EIF4G3: variants seen among roughly 807,000 people sequenced by gnomAD.
EIF4G3 encodes the protein eIF-4-gamma 3.
EIF4G3 carries 34 observed loss-of-function variants against 186.4 expected under a neutral mutation model. The ratio of observed to expected loss-of-function variants is 0.18; its 90% confidence interval spans 0.14 to 0.24. The LOEUF is 0.24. EIF4G3 is among the 10% of genes least tolerant of loss of function. The pLI, the probability that EIF4G3 is intolerant of heterozygous loss-of-function variation, is 1.00. For synonymous variants in EIF4G3, 673 were observed against 679.5 expected, an observed-to-expected ratio of 0.99 and a Z score of 0.15; for missense variants, 1,536 against 1,948.5, an observed-to-expected ratio of 0.79 and a Z score of 3.99.
chr1:21,086,680 C>A (rs1175037915), intron 3 of EIF4G3, among the ~76,000 whole-genome samples: 1 of 151,878 alleles, frequency 6.6e-6, no homozygotes, highest in East Asian at 1.9e-4. Context: ...TGTCTCACAC[C>A]TGTAATCCCA....
At chr1:20,882,698 T>C (rs1455135654) in intron 19 of EIF4G3, among the ~76,000 whole-genome samples, 1 of 151,642 alleles carries the variant, frequency 6.6e-6, no homozygotes, top group Non-Finnish European at 1.5e-5. Context: ...TCCCAGCTAC[T>C]TGGAAGGCTG....
At chr1:20,909,410 G>A (rs1200332971) in intron 14 of EIF4G3, among the ~76,000 whole-genome samples, 1 of 152,076 alleles carries the variant, frequency 6.6e-6, no homozygotes, top group Non-Finnish European at 1.5e-5. Context: ...GTACAAGAAT[G>A]ACAAACGTTA....
intron 2 of EIF4G3, among the ~76,000 whole-genome samples, chr1:21,171,386 A>G (rs564165204): frequency 1.2e-4 from 18 of 152,334 alleles, no homozygotes; most frequent in East Asian, 7.7e-4. Context: ...ACAAGCCAGC[A>G]AATGACCATG....
chr1:20,836,128 C>T (rs1488866540), intron 30 of EIF4G3, among the ~76,000 whole-genome samples: 1 of 152,136 alleles, frequency 6.6e-6, no homozygotes, highest in African/African-American at 2.4e-5. Flanking sequence ...GCTATAGGCA[C>T]CCACCACCAT....
intron 20 of EIF4G3, among the ~76,000 whole-genome samples, chr1:20,871,591 T>C (rs1178296452): frequency 1.3e-5 from 2 of 152,226 alleles, no homozygotes; most frequent in Non-Finnish European, 2.9e-5. Flanking sequence ...TTCTTTTAAA[T>C]GCCTGTGGTC....
At chr1:20,971,305 T>G (rs775906275) in intron 11 of EIF4G3, among the ~76,000 whole-genome samples, 1 of 152,224 alleles carries the variant, frequency 6.6e-6, no homozygotes, top group Non-Finnish European at 1.5e-5. Context: ...GTCCTTCAAT[T>G]AAGACTTCTA....
chr1:20,859,248 T>C (rs1370864414), intron 24 of EIF4G3, among the ~76,000 whole-genome samples: 1 of 152,220 alleles, frequency 6.6e-6, no homozygotes, highest in African/African-American at 2.4e-5. Context: ...AATTAGGCTT[T>C]GGTATCTTCT....
intron 26 of EIF4G3, 84 bp downstream of exon 26, chr1:20,854,894 C>A: frequency 2.6e-6 from 3 of 1,149,012 alleles, no homozygotes; most frequent in South Asian, 2.8e-5. Flanking sequence ...TCCCAAAAAC[C>A]ATCATTCGAT....
intron 2 of EIF4G3, among the ~76,000 whole-genome samples, chr1:21,096,860 C>T (rs190980660): frequency 1.3e-5 from 2 of 152,236 alleles, no homozygotes; most frequent in Non-Finnish European, 2.9e-5. Context: ...AATGCTAGAG[C>T]ATTGTTAAAA....
intron 28 of EIF4G3, among the ~76,000 whole-genome samples, chr1:20,849,748 T>A (rs989490534): frequency 2.0e-5 from 3 of 152,240 alleles, no homozygotes; most frequent in Non-Finnish European, 4.4e-5. Flanking sequence ...AGGAACATGA[T>A]AAACTTTCCT....
At chr1:20,824,219 C>A (rs575942147) in intron 33 of EIF4G3, among the ~76,000 whole-genome samples, 2 of 152,318 alleles carry the variant, frequency 1.3e-5, no homozygotes, top group African/African-American at 2.4e-5. Context: ...ATGCTTCATG[C>A]AGGTTCTTAT....
chr1:20,816,202 AG>A (rs2060782827), intron 34 of EIF4G3, among the ~76,000 whole-genome samples: 1 of 84,044 alleles, frequency 1.2e-5, no homozygotes. Context: ...CTGCCCGGCC[AG>A]CCGCCCCGTC....
Position 20,941,736 on chromosome 1 carries a change from G to C in EIF4G3, c.1418C>G (p.Thr473Ser). 1 of 1,611,062 alleles carries C rather than the reference G, an allele frequency of 6.2e-7. No homozygotes were observed. ...AGGAGAAGCTGGAGGAGTTGGAGGA[G>C]TTGGAGGAAAGGAAGGAACTGTGGA... is the stretch of plus-strand genomic sequence containing the variant. ...TPSTVPSFPP[T>S]PPTPPASPPH... The change falls in exon 14 of 37, where the codon ACT becomes AGT. Residue 473 changes from threonine to serine, a missense_variant. Coordinates refer to ENST00000602326, the MANE Select transcript of EIF4G3 (RefSeq NM_001391906.1).
intron 4 of EIF4G3, among the ~76,000 whole-genome samples, chr1:21,024,404 T>C (rs568995390): frequency 4.6e-5 from 7 of 152,250 alleles, no homozygotes; most frequent in East Asian, 3.9e-4. Flanking sequence ...CAACAGCTCA[T>C]TGAGAATGGG....
In EIF4G3 at chr1:20,994,943, C is replaced by T. The variant is rs77682797; in HGVS notation, c.177+2658G>A. Among the ~76,000 whole-genome samples, 1,039 of 152,152 alleles carry T rather than the reference C, an allele frequency of 6.8e-3. 13 individuals are homozygous for T. The highest frequency in any genetic ancestry group is 0.024 in the African/African-American group (985 of 41,514). On this transcript the variant is annotated intron_variant, in intron 7 of 36. Coordinates refer to ENST00000602326, the MANE Select transcript of EIF4G3 (RefSeq NM_001391906.1). ...CATCAAACACCGCATCCAGCTTATA[C>T]TTCTATTTTTAAAATAATCAAAACT...
chr1:20,980,475 AT>A, intron 9 of EIF4G3, 27 bp from the exon 10 acceptor site: 1 of 1,446,988 alleles, frequency 6.9e-7, no homozygotes, highest in East Asian at 2.6e-5. Flanking sequence ...ATGAATATTT[AT>A]AAATAATATG....
intron 2 of EIF4G3, among the ~76,000 whole-genome samples, chr1:21,102,504 T>C (rs1248337040): frequency 6.6e-6 from 1 of 152,240 alleles, no homozygotes; most frequent in Non-Finnish European, 1.5e-5. Context: ...CTTATGGTGC[T>C]ATGTTAATAA....
At chr1:20,920,470 TTGGATAG>T (rs2154559772) in intron 14 of EIF4G3, among the ~76,000 whole-genome samples, 1 of 152,196 alleles carries the variant, frequency 6.6e-6, no homozygotes, top group South Asian at 2.1e-4. Flanking sequence ...TGACTGGTGG[TTGGATAG>T]AAGAGAGAAT....
chr1:20,966,126 A>T (rs976315510), intron 12 of EIF4G3, among the ~76,000 whole-genome samples: 2 of 152,164 alleles, frequency 1.3e-5, no homozygotes, highest in Non-Finnish European at 2.9e-5. Context: ...CTTTACAGAG[A>T]CTGGGACTTC....
Sources: gnomAD v4.1 joint callset for allele counts (sites outside exome capture counted in the v4.1 genomes callset) on GRCh38, gnomAD v4.1.1 for gene constraint, MANE v1.5 for transcripts, NCBI Gene and HGNC (gene_info 2026-07-23, HGNC 2026-07-21) for gene names.